Variants in GPAM observed in about 807,000 individuals in gnomAD.
GPAM encodes the protein glycerol-3-phosphate acyltransferase, mitochondrial.
GPAM carries 56 observed loss-of-function variants against 105.0 expected under a neutral mutation model. The ratio of observed to expected loss-of-function variants is 0.53; its 90% CI spans 0.43 to 0.67. GPAM has a LOEUF of 0.67. Among genes scored for constraint, GPAM ranks in the 30% least tolerant of loss-of-function variants. GPAM has a pLI of 0.00. For synonymous variants in GPAM, 368 were observed against 354.4 expected (o/e 1.04, Z -0.43); for missense variants, 855 against 989.8 (o/e 0.86, Z 1.83).
At chr10:112,181,223 T>C (rs1847501676) in intron 3 of GPAM, among the ~76,000 whole-genome samples, 2 of 151,248 alleles carry the variant, frequency 1.3e-5, no homozygotes, top group East Asian at 3.9e-4. Flanking sequence ...ATAAAGACAA[T>C]TAAGATATTT....
At chr10:112,181,089 T>A (rs1355468089) in intron 3 of GPAM, among the ~76,000 whole-genome samples, 1 of 151,952 alleles carries the variant, frequency 6.6e-6, no homozygotes, top group Admixed American at 6.6e-5. Flanking sequence ...ACTATTCAAT[T>A]AGGGTCAAAC....
chr10:112,194,026 G>C (rs1007406387), intron 1 of GPAM, among the ~76,000 whole-genome samples: 2 of 152,158 alleles, frequency 1.3e-5, no homozygotes, highest in African/African-American at 4.8e-5. Flanking sequence ...AAACGTCTTA[G>C]TCTTGAAACA....
At chr10:112,168,781 A>G in intron 10 of GPAM, 72 bp downstream of exon 10, 2 of 997,078 alleles carry the variant, frequency 2.0e-6, no homozygotes, top group South Asian at 2.6e-5. Flanking sequence ...ATCTCAACTC[A>G]AAAGAGTCAT....
chr10:112,160,515 T>C (rs1847102834), intron 16 of GPAM, 89 bp downstream of exon 16: 1 of 1,340,266 alleles, frequency 7.5e-7, no homozygotes, highest in African/African-American at 1.4e-5. Flanking sequence ...CAAGGGGCTA[T>C]CACCCAAATT....
intron 20 of GPAM, chr10:112,154,903 G>A (rs1344597031): frequency 1.7e-6 from 1 of 603,616 alleles, no homozygotes; most frequent in Non-Finnish European, 3.0e-6. Flanking sequence ...CCTATATTGA[G>A]GTAAATAAGA....
In GPAM at chr10:112,150,710, C is replaced by A. The variant is rs918041851; in HGVS notation, c.*2840G>T. On this transcript the variant is annotated 3_prime_UTR_variant, in exon 22 of 22. Coordinates refer to ENST00000348367, the MANE Select transcript of GPAM (RefSeq NM_001244949.2). Reference sequence around the variant, plus strand: ...TTCACTACCGGATGCCAAGCCCTTACTGCGCTAAAGTGCATTGTAAGTTTC... The same window carrying A: ...TTCACTACCGGATGCCAAGCCCTTAATGCGCTAAAGTGCATTGTAAGTTTC... 1 of 970,792 alleles carries A rather than the reference C, an allele frequency of 1.0e-6. No homozygotes were observed. Among genetic ancestry groups the A allele is most frequent in the Non-Finnish European group, 1.2e-6 (1 of 816,570 alleles). 60.1% of individuals were successfully genotyped at this position (970,792 alleles called of 1,614,324 possible). A position where few individuals can be genotyped will look rare whatever the true frequency, so the allele number is the denominator to read the frequency against.
chr10:112,204,354 T>C (rs749393622), intron 1 of GPAM, among the ~76,000 whole-genome samples: 145 of 150,262 alleles, frequency 9.6e-4, no homozygotes, highest in Non-Finnish European at 1.4e-3. Context: ...CTTCTTGAAA[T>C]AGACAGTTGG....
At chr10:112,222,809 T>G in the GPAM span, among the ~76,000 whole-genome samples, 7 of 152,144 alleles carry the variant, frequency 4.6e-5, 1 homozygote, top group African/African-American at 1.7e-4. Flanking sequence ...TCTCCAGGCC[T>G]AGCACAGAGC....
chr10:112,216,098 A>T (rs1288241501), upstream of GPAM, among the ~76,000 whole-genome samples: 3 of 152,188 alleles, frequency 2.0e-5, no homozygotes, highest in African/African-American at 7.2e-5. Context: ...GTTGTTGCAA[A>T]GACTACATGC....
chr10:112,161,763 T>A (rs1244625772), intron 14 of GPAM, 26 bp from the exon 15 acceptor site: 3 of 1,591,004 alleles, frequency 1.9e-6, no homozygotes, highest in Non-Finnish European at 1.7e-6. Flanking sequence ...AAAGCTTTTT[T>A]TAGTTGCACT....
At chr10:112,196,957 G>T (rs981970535) in intron 1 of GPAM, among the ~76,000 whole-genome samples, 1 of 152,084 alleles carries the variant, frequency 6.6e-6, no homozygotes, top group Non-Finnish European at 1.5e-5. Flanking sequence ...CCTCCATAAA[G>T]CATTGGAACA....
chr10:112,224,038 T>G, the GPAM span, among the ~76,000 whole-genome samples: 1 of 152,150 alleles, frequency 6.6e-6, no homozygotes, highest in Non-Finnish European at 1.5e-5. Context: ...TCAGCATCCT[T>G]CTTAACACAG....
intron 1 of GPAM, among the ~76,000 whole-genome samples, chr10:112,190,373 C>T (rs1229532710): frequency 3.3e-5 from 5 of 151,770 alleles, no homozygotes; most frequent in African/African-American, 9.7e-5. Flanking sequence ...GGCTTGGTGG[C>T]GTGTGCCTGT....
intron 1 of GPAM, among the ~76,000 whole-genome samples, chr10:112,192,669 C>T (rs1297870888): frequency 6.6e-6 from 1 of 152,164 alleles, no homozygotes; most frequent in Non-Finnish European, 1.5e-5. Flanking sequence ...GGGAAAATGG[C>T]AGAGGAAGGA....
intron 1 of GPAM, among the ~76,000 whole-genome samples, chr10:112,204,784 C>G (rs1389354137): frequency 6.7e-6 from 1 of 149,140 alleles, no homozygotes; most frequent in East Asian, 2.1e-4. Context: ...TCTCACCGCT[C>G]CTATTCAACA....
intron 1 of GPAM, among the ~76,000 whole-genome samples, chr10:112,192,772 G>A (rs1303573065): frequency 6.6e-6 from 1 of 152,218 alleles, no homozygotes; most frequent in Non-Finnish European, 1.5e-5. Flanking sequence ...TAAATGTCAT[G>A]GAGGTATGTG....
chr10:112,215,373 T>C (rs780560721), exon 1 of GPAM: 2 of 152,186 alleles, frequency 1.3e-5, no homozygotes, highest in African/African-American at 2.4e-5. Flanking sequence ...CAGCAGCAAA[T>C]TCTCCCAATG....
chr10:112,184,773 G>A (rs1847571888), upstream of GPAM, among the ~76,000 whole-genome samples: 2 of 152,186 alleles, frequency 1.3e-5, no homozygotes, highest in African/African-American at 4.8e-5. Context: ...AGAGCAGGGA[G>A]GCCAAAGCAG....
intron 18 of GPAM, 99 bp from the exon 19 acceptor site, chr10:112,157,488 C>T: frequency 9.3e-7 from 1 of 1,074,144 alleles, no homozygotes; most frequent in Non-Finnish European, 1.4e-6. Context: ...TCTGACCCTT[C>T]CTGGCTCTTC....
Sources: allele counts gnomAD v4.1 joint callset (sites outside exome capture counted in the v4.1 genomes callset), GRCh38; gene constraint gnomAD v4.1.1; transcripts MANE v1.5; gene names NCBI Gene and HGNC (gene_info 2026-07-23, HGNC 2026-07-21).